The following PROX2 variants were observed in gnomAD, a reference collection of about 807,000 sequenced individuals.
The protein encoded by PROX2 is prospero homeobox protein 2.
PROX2 carries 46 observed loss-of-function variants against 48.9 expected under a neutral mutation model. The ratio of observed to expected loss-of-function variants is 0.94; its 90% CI spans 0.74 to 1.20. The LOEUF (loss-of-function observed/expected upper bound fraction) is 1.20, where lower values mean the gene tolerates loss of function less well. Ranked by LOEUF, PROX2 falls within the 50% of genes most tolerant of loss-of-function variation. The pLI, the probability that PROX2 is intolerant of heterozygous loss-of-function variation, is 0.00. For synonymous variants in PROX2, 260 were observed against 276.6 expected (o/e 0.94, Z 0.60); for missense variants, 663 against 719.4 (o/e 0.92, Z 0.90).
Position 74,856,914 on chromosome 14 carries a change from C to G in PROX2, c.1495G>C (p.Ala499Pro). 1 of 1,614,006 alleles carries G rather than the reference C, an allele frequency of 6.2e-7. No homozygotes were observed. The highest frequency in any genetic ancestry group is 8.5e-7 in the Non-Finnish European group (1 of 1,179,878). ...EFYYIQMEKS[A>P]RQAISDGVTN... is the part of the protein sequence containing the mutation. Reference sequence around the variant, plus strand: ...ACACCATCTGAAATTGCTTGCCGGGCAGATTTTTCCATTTGGATGTAATAA... The same window carrying G: ...ACACCATCTGAAATTGCTTGCCGGGGAGATTTTTCCATTTGGATGTAATAA... Residue 499 changes from alanine (A) to proline (P), a missense_variant, in exon 5 of 6, where the codon GCC (alanine) becomes CCC (proline). Transcript: ENST00000556489.
Position 74,858,480 on chromosome 14 carries a change from T to C in PROX2, c.1340A>G (p.Lys447Arg). Residue 447 changes from lysine (K) to arginine (R), a missense_variant, in exon 4 of 6, where the codon AAG becomes AGG. Lys to Arg is a conservative substitution (Grantham distance 26, BLOSUM62 2). Transcript: ENST00000556489. ...TGTGAAGAAAAACATTAGTTTGGCC[T>C]TCTTCAAGTGACCAGGGTTTAGACC... ...QEGLNPGHLK[K>R]AKLMFFFTRY... is the part of the protein sequence containing the mutation. The C allele has an allele frequency of 1.3e-6, 2 of 1,583,542 alleles. No individual in the cohort carries two copies. Among genetic ancestry groups the C allele is most frequent in the Non-Finnish European group, 1.7e-6 (2 of 1,163,356 alleles).
At chr14:74,873,021 T>G (rs1238864778) in intron 1 of PROX2, among the ~76,000 whole-genome samples, 1 of 152,086 alleles carries the variant, frequency 6.6e-6, no homozygotes, top group African/African-American at 2.4e-5. Context: ...AGTCTCGCTG[T>G]GTCACCCAGG....
intron 2 of PROX2, among the ~76,000 whole-genome samples, chr14:74,870,076 A>G (rs1358645779): frequency 1.3e-5 from 2 of 151,996 alleles, no homozygotes; most frequent in African/African-American, 4.8e-5. Flanking sequence ...TTTATGTAAC[A>G]TTATTTTATA....
At chr14:74,868,709 C>T (rs1276027090) in intron 2 of PROX2, among the ~76,000 whole-genome samples, 1 of 151,642 alleles carries the variant, frequency 6.6e-6, no homozygotes, top group African/African-American at 2.4e-5. Flanking sequence ...TGGTGGCGGG[C>T]GCCTGTAGTC....
intron 1 of PROX2, among the ~76,000 whole-genome samples, chr14:74,875,599 T>A (rs1883323577): frequency 6.6e-6 from 1 of 152,152 alleles, no homozygotes; most frequent in Non-Finnish European, 1.5e-5. Flanking sequence ...AGAACTTGGG[T>A]GAGAATCTAA....
At chr14:74,872,220 C>A (rs1458498620) in intron 1 of PROX2, among the ~76,000 whole-genome samples, 1 of 152,230 alleles carries the variant, frequency 6.6e-6, no homozygotes, top group Admixed American at 6.5e-5. Flanking sequence ...TCATCACTGT[C>A]ATTGAAGCTC....
chr14:74,859,061 G>C (rs1440095886), intron 3 of PROX2: 1 of 152,392 alleles, frequency 6.6e-6, no homozygotes, highest in Non-Finnish European at 1.5e-5. Flanking sequence ...TCACAGTGTT[G>C]CCTTTATAAC....
intron 1 of PROX2, chr14:74,873,663 C>T: frequency 2.7e-6 from 1 of 368,714 alleles, no homozygotes; most frequent in Non-Finnish European, 5.3e-6. Flanking sequence ...CCCTGAGAGT[C>T]CATATTTTTA....
At position 74,853,817 on chromosome 14, in the gene PROX2, TGAC is replaced by T. The variant is rs1411044610; in HGVS notation, c.*1312_*1314del. 1 of 136,192 alleles carries T rather than the reference TGAC, an allele frequency of 7.3e-6. No homozygotes were observed. Among genetic ancestry groups the T allele is most frequent in the Non-Finnish European group, 1.5e-5 (1 of 64,614 alleles). The allele number at this position is 136,192 out of a possible 1,614,324, so 8.4% of individuals were successfully genotyped here. ...GGCAGTGCTTACAAAGACTTGATCC[TGAC>T]TAGCTTAGAAGACAGATGCAGTTAC... On this transcript the variant is annotated 3_prime_UTR_variant, in exon 6 of 6. Transcript: ENST00000556489.
chr14:74,863,872 C>T lies in PROX2; in HGVS notation c.-38G>A. ...TTCAGGGCTTCAGGAATTCCTCCTC[C>T]TTATTTCCTCAGCTGGAAGTGCACC... On this transcript the variant is annotated 5_prime_UTR_variant, in exon 3 of 6. Coordinates refer to ENST00000556489, the MANE Select transcript of PROX2 (RefSeq NM_001243007.2). The T allele has an allele frequency of 1.4e-6, 2 of 1,450,832 alleles. No individual in the cohort carries two copies. The highest frequency in any genetic ancestry group is 1.8e-6 in the Non-Finnish European group (2 of 1,109,510). 89.9% of individuals were successfully genotyped at this position (1,450,832 alleles called of 1,614,324 possible).
At chr14:74,865,792 C>T (rs1160373213) in intron 2 of PROX2, among the ~76,000 whole-genome samples, 1 of 151,916 alleles carries the variant, frequency 6.6e-6, no homozygotes, top group African/African-American at 2.4e-5. Flanking sequence ...GATCACACCA[C>T]TGCCCTCCAG....
intron 3 of PROX2, among the ~76,000 whole-genome samples, chr14:74,861,757 C>T (rs1012360772): frequency 6.6e-6 from 1 of 152,194 alleles, no homozygotes; most frequent in African/African-American, 2.4e-5. Flanking sequence ...CCGAGGAAAA[C>T]TCCTTTTCCA....
intron 4 of PROX2, chr14:74,857,300 C>T (rs1250312764): frequency 1.3e-5 from 3 of 239,344 alleles, no homozygotes; most frequent in Non-Finnish European, 2.4e-5. Flanking sequence ...GGGGTCACGA[C>T]CAGTGTGGTG....
intron 2 of PROX2, among the ~76,000 whole-genome samples, chr14:74,869,347 C>T (rs1883155781): frequency 6.6e-6 from 1 of 151,354 alleles, no homozygotes; most frequent in Non-Finnish European, 1.5e-5. Flanking sequence ...GGCGTGATCT[C>T]GGCTCACTGC....
chr14:74,862,864 G>C lies in PROX2; in HGVS notation c.971C>G (p.Pro324Arg), dbSNP rs1343891981. 1 of 1,613,928 alleles carries C rather than the reference G, an allele frequency of 6.2e-7. No homozygotes were observed. Among genetic ancestry groups the C allele is most frequent in the Non-Finnish European group, 8.5e-7 (1 of 1,179,830 alleles). Residue 324 changes from proline (P) to arginine (R), a missense_variant, in exon 3 of 6, where the codon CCC (proline) becomes CGC (arginine). By Grantham distance (103) the Pro-to-Arg change is moderately radical. Transcript: ENST00000556489. ...YPIPPRMTPK[P>R]CQDPPANFPL... The stretch of plus-strand genomic sequence containing the variant: ...AAAGTTTGCTGGGGGATCCTGACAG[G>C]GTTTGGGGGTCATTCTTGGAGGGAT...
In PROX2 at chr14:74,863,701, A is replaced by T. The variant is rs753788918; in HGVS notation, c.134T>A (p.Val45Asp). The T allele has an allele frequency of 6.5e-7, 1 of 1,533,498 alleles. No individual in the cohort carries two copies. Among genetic ancestry groups the T allele is most frequent in the Admixed American group, 2.1e-5 (1 of 46,916 alleles). 95.0% of individuals were successfully genotyped at this position (1,533,498 alleles called of 1,614,324 possible). Residue 45 changes from valine (V) to aspartate (D), a missense_variant, in exon 3 of 6, where the codon GTC becomes GAC. By Grantham distance (152) the Val-to-Asp change is radical (BLOSUM62 -3). Coordinates refer to ENST00000556489, the MANE Select transcript of PROX2 (RefSeq NM_001243007.2). ...GGGGTCTGTAGGGCTGGAGCTGGGGACCTGACTCCAGGGAAACGGGGAGTC... is the reference window on the plus strand; with the variant it reads ...GGGGTCTGTAGGGCTGGAGCTGGGGTCCTGACTCCAGGGAAACGGGGAGTC... ...DRDSPFPWSQ[V>D]PSSSPTDPEW...
chr14:74,862,719 G>T lies in PROX2; in HGVS notation c.1116C>A (p.His372Gln). 3 of 1,613,974 alleles carry T rather than the reference G, an allele frequency of 1.9e-6. No individual in the cohort carries two copies. Among genetic ancestry groups the T allele is most frequent in the Non-Finnish European group, 2.5e-6 (3 of 1,179,852 alleles). ...SPPQDSSSQR[H>Q]PSSEPALRPW... ...GTCGTAGGGCAGGCTCTGAGGAGGG[G>T]TGCCTCTGGGAAGATGAGTCCTGGG... Residue 372 changes from histidine to glutamine, a missense_variant, in exon 3 of 6, where the codon CAC becomes CAA. Physicochemically the swap from His to Gln is conservative, Grantham distance 24. Coordinates refer to ENST00000556489, the MANE Select transcript of PROX2 (RefSeq NM_001243007.2).
chr14:74,876,112 T>A lies in PROX2; in HGVS notation c.-527A>T, dbSNP rs1883339014. Among the ~76,000 whole-genome samples, 1 of 152,228 alleles carries A rather than the reference T, an allele frequency of 6.6e-6. No homozygotes were observed. The highest frequency in any genetic ancestry group is 1.5e-5 in the Non-Finnish European group (1 of 68,038). On this transcript the variant is annotated 5_prime_UTR_variant, in exon 1 of 6. Transcript: ENST00000556489. ...CCCCTTCTTAGCACAAGGCACTGTC[T>A]GACAGACCCAGTCTTGCTGCAGCCG...
intron 3 of PROX2, among the ~76,000 whole-genome samples, chr14:74,862,193 G>A (rs1445720598): frequency 6.6e-6 from 1 of 152,010 alleles, no homozygotes; most frequent in Non-Finnish European, 1.5e-5. Flanking sequence ...TCTCTGCACA[G>A]TGTCAATGGT....
Sources: allele counts gnomAD v4.1 joint callset (sites outside exome capture counted in the v4.1 genomes callset), GRCh38; gene constraint gnomAD v4.1.1; transcripts MANE v1.5; gene names NCBI Gene and HGNC (gene_info 2026-07-23, HGNC 2026-07-21).